TUSC3: variants seen among roughly 807,000 people sequenced by gnomAD.
The protein encoded by TUSC3 is dolichyl-diphosphooligosaccharide--protein glycosyltransferase subunit TUSC3.
Under a neutral mutation model 44.8 loss-of-function variants are expected in TUSC3, and 45 were observed. The observed-to-expected ratio is 1.00, with a 90% CI of 0.79 to 1.29. The LOEUF (loss-of-function observed/expected upper bound fraction) is 1.29. Ranked by LOEUF, TUSC3 falls within the 50% of genes most tolerant of loss-of-function variation. TUSC3 has a pLI of 0.00. For missense variants in TUSC3, 519 were observed against 437.9 expected (o/e 1.19, Z -1.65); for synonymous variants, 212 against 152.9 (o/e 1.39, Z -2.85).
the TUSC3 span, among the ~76,000 whole-genome samples, chr8:15,848,308 C>A: frequency 6.6e-6 from 1 of 152,198 alleles, no homozygotes; most frequent in African/African-American, 2.4e-5. Flanking sequence ...TCAAGAATAA[C>A]TGTAGAATGT....
chr8:15,570,386 T>C (rs1802830553), intron 1 of TUSC3, among the ~76,000 whole-genome samples: 1 of 152,092 alleles, frequency 6.6e-6, no homozygotes, highest in Non-Finnish European at 1.5e-5. Flanking sequence ...TTGTATTCTT[T>C]GGTTTGAAAT....
At chr8:15,555,126 TTATAA>T (rs1802201713) in intron 1 of TUSC3, among the ~76,000 whole-genome samples, 1 of 142,752 alleles carries the variant, frequency 7.0e-6, no homozygotes, top group African/African-American at 2.6e-5. Context: ...GGTGACAATA[TTATAA>T]TAGCAGTCTT....
the TUSC3 span, among the ~76,000 whole-genome samples, chr8:15,789,542 A>G: frequency 6.6e-6 from 1 of 152,226 alleles, no homozygotes; most frequent in African/African-American, 2.4e-5. Context: ...AATCTTATGA[A>G]TTAAAAGCAT....
chr8:15,502,436 T>G (rs1800979520), intron 2 of TUSC3, among the ~76,000 whole-genome samples: 1 of 152,228 alleles, frequency 6.6e-6, no homozygotes, highest in African/African-American at 2.4e-5. Context: ...TTCTTTTTAT[T>G]AGAGCTCCTA....
chr8:15,587,195 G>T (rs1039811263), intron 1 of TUSC3, among the ~76,000 whole-genome samples: 1 of 152,034 alleles, frequency 6.6e-6, no homozygotes, highest in Non-Finnish European at 1.5e-5. Context: ...TCTAAATATG[G>T]CACAGAACTG....
chr8:15,772,863 G>C, the TUSC3 span, among the ~76,000 whole-genome samples: 1 of 152,172 alleles, frequency 6.6e-6, no homozygotes, highest in Non-Finnish European at 1.5e-5. Context: ...AAGAAAATCA[G>C]TGTAACACAC....
At chr8:15,741,148 C>T (rs199717714) in intron 7 of TUSC3, among the ~76,000 whole-genome samples, 3 of 151,862 alleles carry the variant, frequency 2.0e-5, no homozygotes, top group Admixed American at 2.0e-4. Context: ...AAACCGATAA[C>T]ATGTTTGTGT....
chr8:15,790,818 CAAGT>C, the TUSC3 span, among the ~76,000 whole-genome samples: 1 of 152,094 alleles, frequency 6.6e-6, no homozygotes, highest in Non-Finnish European at 1.5e-5. Flanking sequence ...TGAGATGTCA[CAAGT>C]GAGGAGAGGA....
chr8:15,747,964 T>C (rs1220250414), intron 8 of TUSC3, among the ~76,000 whole-genome samples: 2 of 152,132 alleles, frequency 1.3e-5, no homozygotes, highest in African/African-American at 4.8e-5. Context: ...ATTCTAACAA[T>C]GCAAATGTTC....
chr8:15,710,729 G>C (rs1809806756), intron 6 of TUSC3, among the ~76,000 whole-genome samples: 1 of 150,666 alleles, frequency 6.6e-6, no homozygotes, highest in Non-Finnish European at 1.5e-5. Context: ...AACATATATA[G>C]GCATAAAAAT....
chr8:15,660,132 T>C (rs1392368316), intron 4 of TUSC3, among the ~76,000 whole-genome samples: 2 of 152,078 alleles, frequency 1.3e-5, no homozygotes, highest in Non-Finnish European at 2.9e-5. Context: ...ATTCCGCTTC[T>C]AGGAATTTAA....
intron 1 of TUSC3, among the ~76,000 whole-genome samples, chr8:15,474,984 A>G (rs985450982): frequency 6.6e-6 from 1 of 152,018 alleles, no homozygotes; most frequent in African/African-American, 2.4e-5. Flanking sequence ...AGATGAAAAG[A>G]TTCATTTCCT....
At chr8:15,648,293 A>G (rs578096930) in intron 2 of TUSC3, among the ~76,000 whole-genome samples, 1 of 151,882 alleles carries the variant, frequency 6.6e-6, no homozygotes, top group Non-Finnish European at 1.5e-5. Flanking sequence ...TTTTTATATG[A>G]TATTGTTTTT....
the TUSC3 span, among the ~76,000 whole-genome samples, chr8:15,821,555 T>C: frequency 6.6e-6 from 1 of 151,856 alleles, no homozygotes; most frequent in Non-Finnish European, 1.5e-5. Context: ...ACTATAAGAT[T>C]TCCCCCTTAC....
intron 6 of TUSC3, among the ~76,000 whole-genome samples, chr8:15,690,922 G>A: frequency 6.6e-6 from 1 of 151,476 alleles, no homozygotes; most frequent in Non-Finnish European, 1.5e-5. Flanking sequence ...ATAGTTTGAA[G>A]TCTGGTAATG....
intron 6 of TUSC3, among the ~76,000 whole-genome samples, chr8:15,716,571 T>C (rs1415040222): frequency 1.3e-5 from 2 of 152,148 alleles, no homozygotes; most frequent in African/African-American, 4.8e-5. Flanking sequence ...CTGATACACG[T>C]GTGATACATT....
intron 1 of TUSC3, among the ~76,000 whole-genome samples, chr8:15,586,975 G>C (rs1803628712): frequency 6.6e-6 from 1 of 152,118 alleles, no homozygotes; most frequent in Non-Finnish European, 1.5e-5. Context: ...TAAAGTTTGA[G>C]AACTGCTGGT....
intron 1 of TUSC3, among the ~76,000 whole-genome samples, chr8:15,622,781 A>G (rs1026122728): frequency 3.3e-5 from 5 of 151,526 alleles, no homozygotes; most frequent in Admixed American, 2.0e-4. Flanking sequence ...TGTCCTTTGG[A>G]TAGCAAGAGC....
intron 1 of TUSC3, among the ~76,000 whole-genome samples, chr8:15,591,392 G>GT (rs1317357700): frequency 1.3e-5 from 2 of 152,096 alleles, no homozygotes; most frequent in African/African-American, 4.8e-5. Flanking sequence ...TTTGGACAAA[G>GT]TTTAATCTAT....
Sources: allele counts gnomAD v4.1 joint callset (sites outside exome capture counted in the v4.1 genomes callset), GRCh38; gene constraint gnomAD v4.1.1; transcripts MANE v1.5; gene names NCBI Gene and HGNC (gene_info 2026-07-23, HGNC 2026-07-21).